The following NBEA variants were observed in gnomAD, a reference collection of about 807,000 sequenced individuals.
NBEA encodes lysosomal-trafficking regulator 2.
Under a neutral mutation model 343.4 loss-of-function variants are expected in NBEA, and 44 were observed. The observed-to-expected ratio is 0.13, with a 90% confidence interval of 0.10 to 0.16. The LOEUF (loss-of-function observed/expected upper bound fraction) is 0.16. NBEA is among the 10% of genes least tolerant of loss of function. NBEA has a pLI of 1.00. For missense variants in NBEA, 2,555 were observed against 3,631.3 expected (o/e 0.70, Z 7.62); for synonymous variants, 1,175 against 1,238.7 (o/e 0.95, Z 1.08).
intron 44 of NBEA, among the ~76,000 whole-genome samples, chr13:35,562,384 A>G (rs2079897264): frequency 6.6e-6 from 1 of 152,124 alleles, no homozygotes; most frequent in South Asian, 2.1e-4. Flanking sequence ...ATATTATGCA[A>G]AAGATATTAA....
At chr13:35,534,042 TTAA>T (rs2078406666) in intron 41 of NBEA, among the ~76,000 whole-genome samples, 1 of 152,068 alleles carries the variant, frequency 6.6e-6, no homozygotes, top group Non-Finnish European at 1.5e-5. Context: ...TGTAGATAGG[TTAA>T]TTGTTTTTAT....
In NBEA at chr13:35,110,819, T is replaced by C. The variant is rs1261584007; in HGVS notation, c.1843T>C (p.Ser615Pro). The change falls in exon 13 of 59, where the codon TCC becomes CCC. Residue 615 changes from serine to proline, a missense_variant. Coordinates refer to ENST00000379939, the MANE Select transcript of NBEA (RefSeq NM_001385012.1). ...TAATATTCTGTATTAGGTTCAGCTT[T>C]CCCTATACACATATTTGTCTGCTGA... ...WIHTPAKVQL[S>P]LYTYLSAEFI... 3.1e-6 allele frequency: 5 copies of C among 1,610,704 alleles called. No homozygotes were observed. Among genetic ancestry groups the C allele is most frequent in the Non-Finnish European group, 4.2e-6 (5 of 1,177,402 alleles).
intron 41 of NBEA, among the ~76,000 whole-genome samples, chr13:35,500,982 CA>C (rs1165638156): frequency 6.6e-6 from 1 of 151,998 alleles, no homozygotes; most frequent in Non-Finnish European, 1.5e-5. Context: ...AAAGAAGAGA[CA>C]ATAGAATTCT....
chr13:35,436,967 C>T (rs1397164050), intron 39 of NBEA, among the ~76,000 whole-genome samples: 1 of 152,170 alleles, frequency 6.6e-6, no homozygotes, highest in Non-Finnish European at 1.5e-5. Flanking sequence ...AAAATTTTTA[C>T]ATGACCATCA....
At chr13:35,346,546 C>A (rs956835048) in intron 36 of NBEA, among the ~76,000 whole-genome samples, 5 of 152,090 alleles carry the variant, frequency 3.3e-5, no homozygotes, top group African/African-American at 1.2e-4. Context: ...TAAGTATTGT[C>A]ACATCTAACA....
At chr13:35,223,327 G>A (rs913623958) in intron 33 of NBEA, among the ~76,000 whole-genome samples, 1 of 152,090 alleles carries the variant, frequency 6.6e-6, no homozygotes, top group Non-Finnish European at 1.5e-5. Flanking sequence ...TACAAAGTCA[G>A]CTACATGAAT....
chr13:35,218,955 A>G (rs1015395790), intron 33 of NBEA, among the ~76,000 whole-genome samples: 16 of 152,084 alleles, frequency 1.1e-4, no homozygotes, highest in African/African-American at 3.9e-4. Flanking sequence ...AAGACACCTA[A>G]TCCTGGATCT....
At chr13:35,411,944 A>G (rs1264904213) in intron 38 of NBEA, among the ~76,000 whole-genome samples, 1 of 152,040 alleles carries the variant, frequency 6.6e-6, no homozygotes, top group African/African-American at 2.4e-5. Context: ...AAACTTTACC[A>G]TAAATTTGGT....
At chr13:35,162,966 T>A (rs2152714303) in intron 23 of NBEA, among the ~76,000 whole-genome samples, 1 of 152,296 alleles carries the variant, frequency 6.6e-6, no homozygotes, top group East Asian at 1.9e-4. Context: ...CTAATTGTTA[T>A]ATGATAAATT....
At chr13:35,521,775 G>A (rs1423500806) in intron 41 of NBEA, among the ~76,000 whole-genome samples, 1 of 152,202 alleles carries the variant, frequency 6.6e-6, no homozygotes, top group Non-Finnish European at 1.5e-5. Context: ...GTCTAAATCA[G>A]CTCTGGTCAG....
At chr13:35,064,255 AGTGTTTGTAAGTTGAG>A (rs2063567976) in intron 8 of NBEA, among the ~76,000 whole-genome samples, 1 of 151,984 alleles carries the variant, frequency 6.6e-6, no homozygotes, top group East Asian at 1.9e-4. Flanking sequence ...TGGGAAAGCC[AGTGTTTGTAAGTTGAG>A]GAGATGCAGA....
intron 1 of NBEA, among the ~76,000 whole-genome samples, chr13:35,019,773 G>A (rs1004337849): frequency 6.6e-6 from 1 of 152,078 alleles, no homozygotes; most frequent in Non-Finnish European, 1.5e-5. Flanking sequence ...TTTAATATAA[G>A]TTGTCAAATT....
intron 18 of NBEA, among the ~76,000 whole-genome samples, chr13:35,144,377 G>T (rs1441636561): frequency 1.3e-5 from 2 of 152,152 alleles, no homozygotes; most frequent in Non-Finnish European, 2.9e-5. Flanking sequence ...GTGCTGGTGA[G>T]TGTGTGATTT....
Position 35,671,104 on chromosome 13 carries a change from C to G in NBEA, c.*113C>G. Reference sequence around the variant, plus strand: ...TACATCGACCTCCGTTTGTACATTCCATCACACCCAGCAATAGCTGTACAT... The same window carrying G: ...TACATCGACCTCCGTTTGTACATTCGATCACACCCAGCAATAGCTGTACAT... On this transcript the variant is annotated 3_prime_UTR_variant, in exon 59 of 59. Transcript: ENST00000379939. The G allele has an allele frequency of 1.5e-6, 1 of 686,178 alleles. No homozygotes were observed. The highest frequency in any genetic ancestry group is 1.8e-5 in the South Asian group (1 of 56,790). 42.5% of individuals were successfully genotyped at this position (686,178 alleles called of 1,614,324 possible). A position where few individuals can be genotyped will look rare whatever the true frequency, so the allele number is the denominator to read the frequency against.
rs1374206627 is a variant in NBEA at position 35,034,683 on chromosome 13, AC to A, written c.295-6249del. ...GTGAAGTGCTTTTCTTTACTGGGAG[AC>A]TTTTATTACAACTTCAGTCTTGTAG... On this transcript the variant is annotated intron_variant, in intron 1 of 58. Coordinates refer to ENST00000379939, the MANE Select transcript of NBEA (RefSeq NM_001385012.1). Among the ~76,000 whole-genome samples, 3 of 151,514 alleles carry A rather than the reference AC, an allele frequency of 2.0e-5. No individual in the cohort carries two copies. The East Asian group carries it at 5.8e-4, about 29-fold the overall frequency.
chr13:35,595,350 T>C (rs76450969), intron 47 of NBEA, among the ~76,000 whole-genome samples: 3,044 of 152,076 alleles, frequency 0.02, 45 homozygotes, highest in Non-Finnish European at 0.028. Flanking sequence ...GCTTTTTTTT[T>C]CCCCAAAGAC....
intron 11 of NBEA, among the ~76,000 whole-genome samples, chr13:35,101,236 G>T (rs369225614): frequency 6.6e-6 from 1 of 151,876 alleles, no homozygotes. Context: ...AATTTGCTGG[G>T]TCCTATGTTT....
intron 38 of NBEA, among the ~76,000 whole-genome samples, chr13:35,378,420 T>C (rs1378519267): frequency 6.6e-6 from 1 of 152,206 alleles, no homozygotes; most frequent in Non-Finnish European, 1.5e-5. Context: ...CTGGTATCTT[T>C]AAGGTATATC....
At chr13:35,632,805 G>T (rs1404374215) in intron 49 of NBEA, among the ~76,000 whole-genome samples, 1 of 151,878 alleles carries the variant, frequency 6.6e-6, no homozygotes, top group East Asian at 1.9e-4. Flanking sequence ...TGTTGGCCAG[G>T]ATGGTCTTGA....
Sources: allele counts gnomAD v4.1 joint callset (sites outside exome capture counted in the v4.1 genomes callset), GRCh38; gene constraint gnomAD v4.1.1; transcripts MANE v1.5; gene names NCBI Gene and HGNC (gene_info 2026-07-23, HGNC 2026-07-21).